MED12L: variants seen among roughly 807,000 people sequenced by gnomAD.
MED12L encodes mediator of RNA polymerase II transcription subunit 12-like protein.
A neutral mutation model predicts 281.3 loss-of-function variants in MED12L; 60 were observed. That is an observed-to-expected ratio of 0.21 (90% CI 0.17 to 0.26). The LOEUF is 0.26. Ranked by LOEUF, MED12L falls within the 10% of genes least tolerant of loss-of-function variation. The probability of loss-of-function intolerance (pLI) is 1.00; values close to 1 mark genes in which losing one functional copy is unlikely to be tolerated. For missense variants in MED12L, 2,146 were observed against 2,680.9 expected, an observed-to-expected ratio of 0.80 and a Z score of 4.41; for synonymous variants, 974 against 987.2, an observed-to-expected ratio of 0.99 and a Z score of 0.25.
At chr3:151,247,806 G>T (rs868826456) in intron 16 of MED12L, among the ~76,000 whole-genome samples, 1 of 151,476 alleles carries the variant, frequency 6.6e-6, no homozygotes, top group Non-Finnish European at 1.5e-5. Context: ...TTAAGAAGTT[G>T]CATTTTCTCC....
At chr3:151,354,740 G>A (rs1180844683) in intron 17 of MED12L, among the ~76,000 whole-genome samples, 1 of 152,168 alleles carries the variant, frequency 6.6e-6, no homozygotes, top group East Asian at 1.9e-4. Context: ...TTAGTTTTTA[G>A]AACACATTAA....
intron 5 of MED12L, among the ~76,000 whole-genome samples, chr3:151,137,778 T>C (rs1421060306): frequency 6.6e-6 from 1 of 152,236 alleles, no homozygotes; most frequent in Non-Finnish European, 1.5e-5. Flanking sequence ...TTGAGAATTA[T>C]AATCTGATAC....
chr3:151,233,799 GT>G (rs1732202827), intron 16 of MED12L, among the ~76,000 whole-genome samples: 1 of 152,226 alleles, frequency 6.6e-6, no homozygotes, highest in Non-Finnish European at 1.5e-5. Flanking sequence ...TTCTTGGATC[GT>G]TCCTGTTCCT....
Position 151,372,610 on chromosome 3 carries a change from T to C in MED12L, c.3708T>C (p.Asn1236=). The change falls in exon 27 of 45, where the codon AAT becomes AAC. Residue 1236 remains asparagine, a synonymous_variant. Coordinates refer to ENST00000687756, the MANE Select transcript of MED12L (RefSeq NM_001393769.1). ...IGNNSVSSLK[N]DDFTMRGLRC... Reference sequence around the variant, plus strand: ...ATAACAGTGTCAGCTCTTTAAAGAATGATGACTTCACCATGAGAGGTTTGC... The same window carrying C: ...ATAACAGTGTCAGCTCTTTAAAGAACGATGACTTCACCATGAGAGGTTTGC... 2 of 1,613,930 alleles carry C rather than the reference T, an allele frequency of 1.2e-6. No homozygotes were observed. Among genetic ancestry groups the C allele is most frequent in the Non-Finnish European group, 1.7e-6 (2 of 1,179,848 alleles).
chr3:151,207,755 A>C (rs898426594), intron 16 of MED12L, among the ~76,000 whole-genome samples: 1 of 152,128 alleles, frequency 6.6e-6, no homozygotes, highest in African/African-American at 2.4e-5. Flanking sequence ...AGCAATAAGG[A>C]TCTGAAATTA....
At chr3:151,141,201 G>GTTTTTTTTTTTTTTTTTTT (rs1716973453) in intron 5 of MED12L, among the ~76,000 whole-genome samples, 1 of 58,320 alleles carries the variant, frequency 1.7e-5, no homozygotes, top group African/African-American at 8.2e-5. Context: ...TTTTTTTTTT[G>GTTTTTTTTTTTTTTTTTTT]TTAGTAGAGA....
At chr3:151,232,182 A>C (rs1731818819) in intron 16 of MED12L, among the ~76,000 whole-genome samples, 1 of 151,392 alleles carries the variant, frequency 6.6e-6, no homozygotes, top group South Asian at 2.1e-4. Flanking sequence ...ATTCTTGGCC[A>C]TTTTCTTTTC....
intron 11 of MED12L, among the ~76,000 whole-genome samples, chr3:151,170,633 G>C (rs1000041894): frequency 6.6e-6 from 1 of 152,044 alleles, no homozygotes; most frequent in Admixed American, 6.6e-5. Context: ...CATTTCCTTG[G>C]CCACTGTTTC....
At chr3:151,147,263 A>T (rs1717870568) in intron 5 of MED12L, among the ~76,000 whole-genome samples, 1 of 152,098 alleles carries the variant, frequency 6.6e-6, no homozygotes, top group Non-Finnish European at 1.5e-5. Flanking sequence ...GTATGGAGTA[A>T]TCTTTTCTTT....
At chr3:151,306,575 A>G (rs914919842) in intron 16 of MED12L, among the ~76,000 whole-genome samples, 4 of 152,240 alleles carry the variant, frequency 2.6e-5, no homozygotes, top group Admixed American at 6.5e-5. Context: ...CTGAACAGCT[A>G]CTTTGGACAC....
rs976355937 is a variant in MED12L, at chr3:151,139,517, G to A, written c.556+11533G>A. Among the ~76,000 whole-genome samples the A allele has an allele frequency of 3.9e-5, 6 of 152,172 alleles. 1 individual carries two copies. The highest frequency in any genetic ancestry group is 7.4e-5 in the Non-Finnish European group (5 of 68,018). On this transcript the variant is annotated intron_variant, in intron 5 of 44. Transcript: ENST00000687756. ...GAGCTAAACATGAATTCTTATTGATGCCTGGTAAGTGCATTTTTCCATTTT... is the reference window on the plus strand; with the variant it reads ...GAGCTAAACATGAATTCTTATTGATACCTGGTAAGTGCATTTTTCCATTTT...
chr3:151,380,960 A>G (rs534323447), intron 32 of MED12L, among the ~76,000 whole-genome samples: 17 of 152,318 alleles, frequency 1.1e-4, no homozygotes, highest in African/African-American at 3.8e-4. Flanking sequence ...ATGCCAACCA[A>G]GTACACAAGA....
At chr3:151,235,025 A>G (rs1559914628) in intron 16 of MED12L, among the ~76,000 whole-genome samples, 1 of 152,212 alleles carries the variant, frequency 6.6e-6, no homozygotes, top group Admixed American at 6.5e-5. Flanking sequence ...GTTTTTTTGT[A>G]TGCGGTGGAG....
chr3:151,253,169 G>C (rs1435472827), intron 16 of MED12L, among the ~76,000 whole-genome samples: 1 of 152,144 alleles, frequency 6.6e-6, no homozygotes, highest in African/African-American at 2.4e-5. Flanking sequence ...CAGGCACCCT[G>C]TATAGTGATA....
intron 16 of MED12L, chr3:151,338,902 G>A (rs1751417601): frequency 1.9e-6 from 3 of 1,555,674 alleles, no homozygotes; most frequent in African/African-American, 1.4e-5. Flanking sequence ...GCCTAAGGTA[G>A]TTATTATTGC....
intron 16 of MED12L, among the ~76,000 whole-genome samples, chr3:151,344,488 CT>C: frequency 6.6e-6 from 1 of 152,126 alleles, no homozygotes; most frequent in East Asian, 1.9e-4. Flanking sequence ...TTTAAGGCAT[CT>C]TTTAAGAGTT....
chr3:151,285,692 AAAAT>A (rs1421037499), intron 16 of MED12L, among the ~76,000 whole-genome samples: 1 of 152,104 alleles, frequency 6.6e-6, no homozygotes, highest in African/African-American at 2.4e-5. Context: ...AAATAAAAAA[AAAAT>A]AAAAGAAAAA....
At chr3:151,209,973 T>C (rs1726898979) in intron 16 of MED12L, among the ~76,000 whole-genome samples, 1 of 152,246 alleles carries the variant, frequency 6.6e-6, no homozygotes, top group Admixed American at 6.5e-5. Context: ...TTAGGACTGA[T>C]GCAGGCACTC....
At chr3:151,341,634 A>T (rs949397698) in intron 16 of MED12L, among the ~76,000 whole-genome samples, 3 of 151,652 alleles carry the variant, frequency 2.0e-5, no homozygotes, top group Middle Eastern at 3.4e-3. Flanking sequence ...TGTGCAGGTT[A>T]GTTACATATG....
Sources: gnomAD v4.1 joint callset for allele counts (sites outside exome capture counted in the v4.1 genomes callset) on GRCh38, gnomAD v4.1.1 for gene constraint, MANE v1.5 for transcripts, NCBI Gene and HGNC (gene_info 2026-07-23, HGNC 2026-07-21) for gene names.